Variants in HERC1 observed in about 807,000 individuals in gnomAD.
HERC1 encodes probable E3 ubiquitin-protein ligase HERC1.
HERC1 carries 160 observed loss-of-function variants against 554.3 expected under a neutral mutation model. The observed-to-expected ratio is 0.29, with a 90% CI of 0.25 to 0.33. The LOEUF (loss-of-function observed/expected upper bound fraction) is 0.33, where lower values mean the gene tolerates loss of function less well. Ranked by LOEUF, HERC1 falls within the 10% of genes least tolerant of loss-of-function variation. The pLI, the probability that HERC1 is intolerant of heterozygous loss-of-function variation, is 1.00. For synonymous variants in HERC1, 2,175 were observed against 2,131.7 expected (o/e 1.02, Z -0.56); for missense variants, 4,919 against 5,918.5 (o/e 0.83, Z 5.54).
chr15:63,733,286 A>T (rs2074371541), intron 13 of HERC1, 141 bp from the exon 14 acceptor site: 4 of 615,812 alleles, frequency 6.5e-6, no homozygotes. Flanking sequence ...AATTATAAAA[A>T]CTACCCAATT....
intron 19 of HERC1, among the ~76,000 whole-genome samples, chr15:63,719,132 G>C (rs1280949511): frequency 1.3e-5 from 2 of 152,174 alleles, no homozygotes; most frequent in Non-Finnish European, 2.9e-5. Flanking sequence ...AGCAGGGTGG[G>C]AGATAAAATT....
At chr15:63,748,794 T>C (rs1244123783) in intron 10 of HERC1, among the ~76,000 whole-genome samples, 1 of 152,160 alleles carries the variant, frequency 6.6e-6, no homozygotes, top group East Asian at 1.9e-4. Context: ...CCCATGTGTA[T>C]CTGAAAATAT....
In HERC1 at chr15:63,656,071, T is replaced by A; in HGVS notation, c.9870+17A>T. The A allele has an allele frequency of 6.2e-7, 1 of 1,608,518 alleles. No individual in the cohort carries two copies. On this transcript the variant is annotated intron_variant, in intron 49 of 77. Transcript: ENST00000443617. ...AAATAATCAATGTAACGGGGAAAAG[T>A]ACTGAAAGTAGCTTACCTGTGTACA...
rs893290006 is a variant in HERC1, at chr15:63,729,797, T to C, written c.2869-148A>G. ...CAGCACTTTGGGAGTCCGAGGCAGG[T>C]ACATCACCTGAAGTCAGGAGGTTGA... On this transcript the variant is annotated intron_variant, in intron 14 of 77. Transcript: ENST00000443617. The C allele has an allele frequency of 2.2e-5, 15 of 680,036 alleles. No individual in the cohort carries two copies. In the Middle Eastern group the frequency reaches 1.2e-3, roughly 55 times the overall value. 42.1% of individuals were successfully genotyped at this position (680,036 alleles called of 1,614,324 possible).
chr15:63,615,801 G>C lies in HERC1; in HGVS notation c.14061C>G (p.Ala4687=), dbSNP rs750286687. Residue 4687 remains alanine, a synonymous_variant, in exon 76 of 78, where the codon GCC becomes GCG. Coordinates refer to ENST00000443617, the MANE Select transcript of HERC1 (RefSeq NM_003922.4). ...FSNRKEYVER[A]IEYRLHEMDR... ...CCATCTCATGAAGTCGATATTCAAT[G>C]GCCCTCTCCACATATTCCTTCCTGT... 6.2e-7 allele frequency: 1 copy of C among 1,603,794 alleles called. No homozygotes were observed. Among genetic ancestry groups the C allele is most frequent in the Admixed American group, 1.7e-5 (1 of 57,628 alleles).
In HERC1 at chr15:63,686,419, A is replaced by G; in HGVS notation, c.6165T>C (p.Ser2055=). The G allele has an allele frequency of 6.2e-7, 1 of 1,613,792 alleles. No individual in the cohort carries two copies. Among genetic ancestry groups the G allele is most frequent in the Non-Finnish European group, 8.5e-7 (1 of 1,179,764 alleles). Residue 2055 remains serine (S), a synonymous_variant, in exon 34 of 78, where the codon AGT becomes AGC. Coordinates refer to ENST00000443617, the MANE Select transcript of HERC1 (RefSeq NM_003922.4). ...ATGCCAATCCATATCCTTTCCCTCC[A>G]CTGCCGTGAGTTAAAATCTGTCCAT... is the stretch of plus-strand genomic sequence containing the variant. ...VENGQILTHG[S]GGKGYGLAST...
At chr15:63,722,095 C>T (rs1418913726) in intron 19 of HERC1, among the ~76,000 whole-genome samples, 1 of 152,188 alleles carries the variant, frequency 6.6e-6, no homozygotes, top group East Asian at 1.9e-4. Context: ...AAACTCCTGA[C>T]CTCAAGTGAT....
At chr15:63,789,169 C>T (rs1178375502) in intron 1 of HERC1, among the ~76,000 whole-genome samples, 1 of 125,052 alleles carries the variant, frequency 8.0e-6, no homozygotes, top group Non-Finnish European at 1.6e-5. Context: ...CGGCTCACTG[C>T]AAGCTCCGCC....
chr15:63,744,135 T>A (rs1245105358), intron 12 of HERC1, among the ~76,000 whole-genome samples: 1 of 59,824 alleles, frequency 1.7e-5, no homozygotes, highest in Non-Finnish European at 4.5e-5. Context: ...TGTGTGTGTG[T>A]GTGTGTGTGT....
In HERC1 at chr15:63,783,846, T is replaced by A. The variant is rs572293080; in HGVS notation, c.-26-8197A>T. 4.6e-5 allele frequency among the ~76,000 whole-genome samples: 7 copies of A among 152,110 alleles called. No homozygotes were observed. The East Asian group carries it at 1.3e-3, about 29-fold the overall frequency. ...ACTTTGGGAGGCTGAAGCGGGCAGA[T>A]CTCGAGGTCAGGAGATCAAGACCAT... On this transcript the variant is annotated intron_variant, in intron 1 of 77. Transcript: ENST00000443617.
At chr15:63,671,019 T>G (rs2070884339) in intron 39 of HERC1, among the ~76,000 whole-genome samples, 1 of 151,986 alleles carries the variant, frequency 6.6e-6, no homozygotes, top group Non-Finnish European at 1.5e-5. Flanking sequence ...CTGACCAGCA[T>G]GGAGAAACCC....
chr15:63,683,697 G>A (rs1377249501), intron 34 of HERC1, among the ~76,000 whole-genome samples: 3 of 152,150 alleles, frequency 2.0e-5, no homozygotes, highest in Admixed American at 6.5e-5. Flanking sequence ...TACCCAGGCT[G>A]GCATGCAGTA....
chr15:63,639,125 G>A (rs931671628), intron 61 of HERC1, among the ~76,000 whole-genome samples: 2 of 152,106 alleles, frequency 1.3e-5, no homozygotes, highest in African/African-American at 4.8e-5. Context: ...CTGGGCTTCA[G>A]CTTCCTCATC....
At chr15:63,722,546 T>C (rs2073865603) in intron 19 of HERC1, among the ~76,000 whole-genome samples, 1 of 152,222 alleles carries the variant, frequency 6.6e-6, no homozygotes. Flanking sequence ...AAACAATTCA[T>C]AACTTTTAAA....
Position 63,737,655 on chromosome 15 carries a change from C to T in HERC1, c.2521-2806G>A, listed in dbSNP as rs534538087. ...TCGGCCTCCAAAAGTGCTGGGATTACAGGCGTGAGCCACTGTGCCTGGCCA... is the reference window on the plus strand; with the variant it reads ...TCGGCCTCCAAAAGTGCTGGGATTATAGGCGTGAGCCACTGTGCCTGGCCA... On this transcript the variant is annotated intron_variant, in intron 12 of 77. Coordinates refer to ENST00000443617, the MANE Select transcript of HERC1 (RefSeq NM_003922.4). 3.3e-3 allele frequency among the ~76,000 whole-genome samples: 488 copies of T among 150,026 alleles called. 2 individuals carry two copies. The highest frequency in any genetic ancestry group is 4.7e-3 in the Admixed American group (70 of 14,990).
Position 63,654,145 on chromosome 15 carries a change from T to C in HERC1, c.10264A>G (p.Ile3422Val). ...MGGDLRKCSF[I>V]KLEAHQNRVM... ...CTGTTCTGATGAGCCTCCAATTTGA[T>C]AAAGGAGCATTTTCTAAGATCTCCT... The change falls in exon 51 of 78, where the codon ATC (isoleucine) becomes GTC (valine). Residue 3422 changes from isoleucine to valine, a missense_variant. This residue lies in a region of HERC1 where 1,963 missense variants were observed against 2,228.6 expected (regional missense o/e 0.88). Coordinates refer to ENST00000443617, the MANE Select transcript of HERC1 (RefSeq NM_003922.4). 1 of 1,613,880 alleles carries C rather than the reference T, an allele frequency of 6.2e-7. No individual in the cohort carries two copies. Among genetic ancestry groups the C allele is most frequent in the East Asian group, 2.2e-5 (1 of 44,892 alleles).
intron 12 of HERC1, among the ~76,000 whole-genome samples, chr15:63,743,836 T>C (rs992510128): frequency 3.3e-5 from 5 of 152,180 alleles, no homozygotes; most frequent in Non-Finnish European, 5.9e-5. Flanking sequence ...TTTGGTTCAT[T>C]TGGTTAGGTC....
Position 63,698,658 on chromosome 15 carries a change from G to A in HERC1, c.4905+70C>T. The A allele has an allele frequency of 6.9e-6, 10 of 1,453,658 alleles. No homozygotes were observed. In the South Asian group the frequency reaches 1.4e-4, roughly 20 times the overall value. 90.0% of individuals were successfully genotyped at this position (1,453,658 alleles called of 1,614,324 possible). ...AGAAGAAAAGGAAAGGTTTTCCCTA[G>A]AACTATACATTCAATGGTTCAGTTT... On this transcript the variant is annotated intron_variant, in intron 26 of 77. Transcript: ENST00000443617.
rs568826186 is a variant in HERC1, at chr15:63,645,636, A to G, written c.10925T>C (p.Met3642Thr). The G allele has an allele frequency of 5.3e-5, 86 of 1,610,888 alleles. No homozygotes were observed. In the South Asian group the frequency reaches 9.1e-4, roughly 17 times the overall value. ...CACACTGTCTTCTTTGGCACATGTC[A>G]TAAGAATATGACCTGTAGGGTCCCA... Reference protein sequence around the residue: ...MKWDPTGHILMTCAKEDSVKL... With the variant: ...MKWDPTGHILTTCAKEDSVKL... Residue 3642 changes from methionine (M) to threonine (T), a missense_variant, in exon 56 of 78, where the codon ATG (methionine) becomes ACG (threonine). By Grantham distance (81) the Met-to-Thr change is moderately conservative. Coordinates refer to ENST00000443617, the MANE Select transcript of HERC1 (RefSeq NM_003922.4).
Sources: allele counts gnomAD v4.1 joint callset (sites outside exome capture counted in the v4.1 genomes callset), GRCh38; gene constraint gnomAD v4.1.1; regional missense constraint gnomAD v4.1.1; transcripts MANE v1.5; gene names NCBI Gene and HGNC (gene_info 2026-07-23, HGNC 2026-07-21).